CHRNA5: variants seen among roughly 807,000 people sequenced by gnomAD.
The protein encoded by CHRNA5 is neuronal acetylcholine receptor subunit alpha-5.
Under a neutral mutation model 41.2 loss-of-function variants are expected in CHRNA5, and 28 were observed. That is an observed-to-expected ratio of 0.68 (90% CI 0.50 to 0.93). The LOEUF is 0.93. Among genes scored for constraint, CHRNA5 ranks in the 40% least tolerant of loss-of-function variants. CHRNA5 has a pLI of 0.00. For synonymous variants in CHRNA5, 188 were observed against 205.8 expected (o/e 0.91, Z 0.74); for missense variants, 481 against 581.9 (o/e 0.83, Z 1.78).
chr15:78,593,067 T>G (rs1053394384), intron 5 of CHRNA5, 25 bp from the exon 6 acceptor site: 1 of 1,595,352 alleles, frequency 6.3e-7, no homozygotes, highest in Non-Finnish European at 8.5e-7. Context: ...AATTATTTAA[T>G]GCATTTTTAT....
intron 1 of CHRNA5, among the ~76,000 whole-genome samples, chr15:78,577,761 C>T (rs1410072028): frequency 6.6e-6 from 1 of 151,776 alleles, no homozygotes; most frequent in Non-Finnish European, 1.5e-5. Context: ...GGTGAAACCC[C>T]ATCTCTACCA....
intron 1 of CHRNA5, among the ~76,000 whole-genome samples, chr15:78,579,062 TTAGG>T (rs1358776541): frequency 6.6e-6 from 1 of 151,270 alleles, no homozygotes; most frequent in African/African-American, 2.4e-5. Flanking sequence ...TTTTAACAAC[TTAGG>T]TCCTTAAATA....
intron 1 of CHRNA5, among the ~76,000 whole-genome samples, chr15:78,568,297 A>C (rs554360748): frequency 6.6e-6 from 1 of 152,288 alleles, no homozygotes; most frequent in South Asian, 2.1e-4. Flanking sequence ...GAACTAGTAC[A>C]TCAAGATAAT....
intron 1 of CHRNA5, among the ~76,000 whole-genome samples, chr15:78,571,105 G>T (rs1169213751): frequency 2.0e-5 from 3 of 152,192 alleles, no homozygotes; most frequent in African/African-American, 7.2e-5. Flanking sequence ...CTGAGACTCT[G>T]CATTTCTAAC....
At chr15:78,572,394 T>C (rs1343819898) in intron 1 of CHRNA5, among the ~76,000 whole-genome samples, 1 of 152,216 alleles carries the variant, frequency 6.6e-6, no homozygotes. Flanking sequence ...TCTAATGCAC[T>C]CATAATGATC....
intron 2 of CHRNA5, among the ~76,000 whole-genome samples, chr15:78,581,215 C>T (rs567951130): frequency 6.6e-6 from 1 of 152,266 alleles, no homozygotes; most frequent in Admixed American, 6.5e-5. Flanking sequence ...ATTCAAAGAT[C>T]TAAAACATTG....
rs949514581 is a variant in CHRNA5, at chr15:78,590,743, G to A, written c.1245+107G>A. 19 of 887,198 alleles carry A rather than the reference G, an allele frequency of 2.1e-5. No homozygotes were observed. The African/African-American group carries it at 2.9e-4, about 13-fold the overall frequency. 55.0% of individuals were successfully genotyped at this position (887,198 alleles called of 1,614,324 possible). A position where few individuals can be genotyped will look rare whatever the true frequency, so the allele number is the denominator to read the frequency against. ...CAGCATGACCCTTAAGTAAGACTAA[G>A]CATAGATTGAGGGCCAGAATTGTTG... is the stretch of plus-strand genomic sequence containing the variant. On this transcript the variant is annotated intron_variant, in intron 5 of 5. Coordinates refer to ENST00000299565, the Ensembl canonical transcript of CHRNA5.
intron 3 of CHRNA5, among the ~76,000 whole-genome samples, chr15:78,587,656 A>T (rs1388273954): frequency 1.6e-5 from 2 of 125,030 alleles, no homozygotes; most frequent in Non-Finnish European, 3.1e-5. Context: ...ATGGGCAAGA[A>T]TGAAATGAAT....
exon 6 of CHRNA5, chr15:78,594,215 G>A (rs1371883347): frequency 6.6e-6 from 1 of 152,174 alleles, no homozygotes; most frequent in Non-Finnish European, 1.5e-5. Flanking sequence ...TCATACAGTA[G>A]ACAACTCCTG....
intron 1 of CHRNA5, among the ~76,000 whole-genome samples, chr15:78,580,175 G>A (rs2141409929): frequency 6.7e-6 from 1 of 150,308 alleles, no homozygotes; most frequent in South Asian, 2.1e-4. Context: ...AGCTACTCGG[G>A]AGGCTGAGGT....
In CHRNA5 at chr15:78,577,926, CAA is replaced by C. The variant is rs5813925; in HGVS notation, c.107-2871_107-2870del. Among the ~76,000 whole-genome samples the C allele has an allele frequency of 4.3e-3, 559 of 129,122 alleles. 20 individuals are homozygous for C. In the East Asian group the frequency reaches 0.072, roughly 17 times the overall value. The allele number at this position is 129,122 out of a possible 152,430, so 84.7% of individuals were successfully genotyped here. A position where few individuals can be genotyped will look rare whatever the true frequency, so the allele number is the denominator to read the frequency against. ...AGACTGAGTGACAGAGACCCTGTCTCAAAAAAAAAAAAAAAGACATTTTATTT... is the reference window on the plus strand; with the variant it reads ...AGACTGAGTGACAGAGACCCTGTCTCAAAAAAAAAAAAAGACATTTTATTT... On this transcript the variant is annotated intron_variant, in intron 1 of 5. Transcript: ENST00000299565.
chr15:78,590,787 A>C, intron 5 of CHRNA5, 151 bp downstream of exon 5: 1 of 666,288 alleles, frequency 1.5e-6, no homozygotes, highest in Non-Finnish European at 2.5e-6. Flanking sequence ...TCTATAAAAG[A>C]TCTTTACTAA....
chr15:78,589,655 T>A, intron 4 of CHRNA5, 150 bp from the exon 5 acceptor site: 1 of 612,822 alleles, frequency 1.6e-6, no homozygotes, highest in Non-Finnish European at 2.8e-6. Flanking sequence ...AGGGTCCCTA[T>A]GTAGCACGTA....
exon 6 of CHRNA5, chr15:78,593,413 G>GT: frequency 1.6e-6 from 1 of 625,664 alleles, no homozygotes; most frequent in Non-Finnish European, 2.5e-6. Flanking sequence ...CATTTGAACA[G>GT]TTGGCTGTAT....
chr15:78,583,025 C>CA (rs1354657060), intron 2 of CHRNA5, among the ~76,000 whole-genome samples: 1 of 151,500 alleles, frequency 6.6e-6, no homozygotes, highest in East Asian at 2.1e-4. Context: ...CTCCTGTGTT[C>CA]AAAATTTTTT....
At chr15:78,575,069 C>T (rs985398169) in intron 1 of CHRNA5, among the ~76,000 whole-genome samples, 2 of 151,868 alleles carry the variant, frequency 1.3e-5, no homozygotes, top group Non-Finnish European at 2.9e-5. Flanking sequence ...AGGTTTTCAG[C>T]TTTGCAGTTC....
Position 78,588,235 on chromosome 15 carries a change from G to T in CHRNA5, c.304-79G>T, listed in dbSNP as rs12898919. ...GATGATCTCATGTCTAAAATTTCTG[G>T]TGTGACAAAAAAGTATGGTATTCAC... On this transcript the variant is annotated intron_variant, in intron 3 of 5. Coordinates refer to ENST00000299565, the Ensembl canonical transcript of CHRNA5. The surrounding 1 kb of genome is among the most constrained non-coding windows in gnomAD (Gnocchi z 4.1). 1.5e-6 allele frequency: 1 copy of T among 689,196 alleles called. No homozygotes were observed. The highest frequency in any genetic ancestry group is 2.4e-6 in the Non-Finnish European group (1 of 410,594). 42.7% of individuals were successfully genotyped at this position (689,196 alleles called of 1,614,324 possible).
intron 2 of CHRNA5, among the ~76,000 whole-genome samples, chr15:78,583,734 G>A (rs1433190530): frequency 6.6e-6 from 1 of 152,094 alleles, no homozygotes; most frequent in Non-Finnish European, 1.5e-5. Context: ...ATTGTTACGG[G>A]AGTAGGGCAG....
chr15:78,578,798 A>T (rs192930566), intron 1 of CHRNA5, among the ~76,000 whole-genome samples: 32 of 152,344 alleles, frequency 2.1e-4, no homozygotes, highest in East Asian at 1.4e-3. Context: ...GCTGATTAAT[A>T]AGCCAGTGAC....
Sources: allele counts gnomAD v4.1 joint callset (sites outside exome capture counted in the v4.1 genomes callset), GRCh38; gene constraint gnomAD v4.1.1; non-coding constraint Gnocchi (gnomAD v3.1); transcripts MANE v1.5; gene names NCBI Gene and HGNC (gene_info 2026-07-23, HGNC 2026-07-21).